GRM6: variants seen among roughly 807,000 people sequenced by gnomAD.
The protein encoded by GRM6 is metabotropic glutamate receptor 6.
GRM6 carries 73 observed loss-of-function variants against 78.4 expected under a neutral mutation model. That is an observed-to-expected ratio of 0.93 (90% CI 0.77 to 1.13). The LOEUF (loss-of-function observed/expected upper bound fraction) is 1.13. Among genes scored for constraint, GRM6 ranks in the 50% most tolerant of loss-of-function variants. The pLI is 0.00. For synonymous variants in GRM6, 580 were observed against 555.0 expected (o/e 1.05, Z -0.63); for missense variants, 1,251 against 1,256.4 (o/e 1.00, Z 0.07).
At position 178,986,773 on chromosome 5, in the gene GRM6, G is replaced by A; in HGVS notation, c.1501-20C>T. The stretch of plus-strand genomic sequence containing the variant: ...CTCCACCTGGGACGCACAAAACACA[G>A]GCTGGGGCGTCTGCCTCCGGGATCC... On this transcript the variant is annotated intron_variant, in intron 8 of 10. Coordinates refer to ENST00000517717, the MANE Select transcript of GRM6 (RefSeq NM_000843.4). 1.2e-6 allele frequency: 2 copies of A among 1,610,390 alleles called. No individual in the cohort carries two copies. Among genetic ancestry groups the A allele is most frequent in the Non-Finnish European group, 1.7e-6 (2 of 1,179,632 alleles).
Position 178,991,572 on chromosome 5 carries a change from G to A in GRM6, c.722-13C>T. 6.2e-7 allele frequency: 1 copy of A among 1,613,774 alleles called. No homozygotes were observed. The highest frequency in any genetic ancestry group is 8.5e-7 in the Non-Finnish European group (1 of 1,179,790). ...ATACAGACCCCCCCTGGGCGTTGGG[G>A]GTGCCAGAGTCAGCTTCCGTCCCAC... On this transcript the variant is annotated splice_polypyrimidine_tract_variant and intron_variant, in intron 3 of 10. Transcript: ENST00000517717. The surrounding 1 kb of genome is among the most constrained non-coding windows in gnomAD (Gnocchi z 5.0).
At position 178,991,695 on chromosome 5, in the gene GRM6, T is replaced by A; in HGVS notation, c.722-136A>T. Reference sequence around the variant, plus strand: ...TCTGGCCTGCACCCTCCGCCAAGCCTGAGGCAGGGCTGAGTCGTCCAAAAC... The same window carrying A: ...TCTGGCCTGCACCCTCCGCCAAGCCAGAGGCAGGGCTGAGTCGTCCAAAAC... On this transcript the variant is annotated intron_variant, in intron 3 of 10. Transcript: ENST00000517717. The surrounding 1 kb of genome is among the most constrained non-coding windows in gnomAD (Gnocchi z 5.0). 8.2e-7 allele frequency: 1 copy of A among 1,220,702 alleles called. No homozygotes were observed. The highest frequency in any genetic ancestry group is 1.9e-4 in the Middle Eastern group (1 of 5,246). The allele number at this position is 1,220,702 out of a possible 1,614,324, so 75.6% of individuals were successfully genotyped here.
Position 178,991,560 on chromosome 5 carries a change from CT to C in GRM6, c.722-2del, listed in dbSNP as rs758498215. 17 of 1,613,776 alleles carry C rather than the reference CT, an allele frequency of 1.1e-5. No homozygotes were observed. The highest frequency in any genetic ancestry group is 3.3e-5 in the Admixed American group (2 of 60,000). ...ATAGACTGGGCAATACAGACCCCCC[CT>C]GGGCGTTGGGGGTGCCAGAGTCAGC... On this transcript the variant is annotated splice_acceptor_variant, in intron 3 of 10. Transcript: ENST00000517717. LOFTEE classifies it high-confidence loss of function. The surrounding 1 kb of genome is among the most constrained non-coding windows in gnomAD (Gnocchi z 5.0).
At chr5:178,994,255 G>A (rs1760732508) in intron 2 of GRM6, among the ~76,000 whole-genome samples, 186 bp downstream of exon 2, 1 of 152,258 alleles carries the variant, frequency 6.6e-6, no homozygotes, top group African/African-American at 2.4e-5. Context: ...GGCGGCTGGA[G>A]TGTTTGGGTG....
At position 178,986,709 on chromosome 5, in the gene GRM6, C is replaced by T. The variant is rs375659197; in HGVS notation, c.1545G>A (p.Ser515=). 35 of 1,604,812 alleles carry T rather than the reference C, an allele frequency of 2.2e-5. No homozygotes were observed. The East Asian group carries it at 2.5e-4, about 11-fold the overall frequency. ...GCCCGCAGGGCAGGCTGCACAGAGACGAGGGCACCTCGTGGGGGTCGCCAG... is the reference window on the plus strand; with the variant it reads ...GCCCGCAGGGCAGGCTGCACAGAGATGAGGGCACCTCGTGGGGGTCGCCAG... ...QWSGDPHEVP[S]SLCSLPCGPG... The change falls in exon 9 of 11, where the codon TCG becomes TCA. Residue 515 remains serine, a synonymous_variant. Transcript: ENST00000517717.
Position 178,994,915 on chromosome 5 carries a change from C to G in GRM6, c.30G>C (p.Pro10=). 8.3e-7 allele frequency: 1 copy of G among 1,205,538 alleles called. No individual in the cohort carries two copies. 74.7% of individuals were successfully genotyped at this position (1,205,538 alleles called of 1,614,324 possible). MARPRRARE[P]LLVALLPLAW... is the part of the protein sequence containing the mutation. Reference sequence around the variant, plus strand: ...CCAGCGGCAGCAGCGCCACGAGCAGCGGCTCCCGGGCTCTCCGGGGCCGCG... The same window carrying G: ...CCAGCGGCAGCAGCGCCACGAGCAGGGGCTCCCGGGCTCTCCGGGGCCGCG... The change falls in exon 2 of 11, where the codon CCG becomes CCC. Residue 10 remains proline (P), a synonymous_variant. Transcript: ENST00000517717.
intron 9 of GRM6, among the ~76,000 whole-genome samples, chr5:178,984,284 G>A (rs562400654): frequency 5.8e-5 from 6 of 104,302 alleles, no homozygotes; most frequent in Admixed American, 2.1e-4. Flanking sequence ...AGTGGGGAGC[G>A]AGCGAGCACG....
At chr5:178,985,189 G>T (rs1040836177) in intron 9 of GRM6, 2 of 442,344 alleles carry the variant, frequency 4.5e-6, no homozygotes, top group South Asian at 3.2e-5. Context: ...CAGGAAAACC[G>T]GTCAGATAGC....
In GRM6 at chr5:178,991,942, C is replaced by T; in HGVS notation, c.646G>A (p.Val216Met). The T allele has an allele frequency of 1.2e-6, 2 of 1,614,180 alleles. No individual in the cohort carries two copies. Among genetic ancestry groups the T allele is most frequent in the Non-Finnish European group, 1.7e-6 (2 of 1,180,044 alleles). Residue 216 changes from valine to methionine, a missense_variant, in exon 3 of 11, where the codon GTG (valine) becomes ATG (methionine). Physicochemically the swap from Val to Met is conservative, Grantham distance 21 (BLOSUM62 1). Transcript: ENST00000517717. The surrounding 1 kb of genome is among the most constrained non-coding windows in gnomAD (Gnocchi z 5.0). Reference sequence around the variant, plus strand: ...TTGCCCTCGGAGGCCAGCGTGGACACATAGTTCCATCCCAGTGCCCTCACG... The same window carrying T: ...TTGCCCTCGGAGGCCAGCGTGGACATATAGTTCCATCCCAGTGCCCTCACG... The part of the protein sequence containing the change: ...DIVRALGWNY[V>M]STLASEGNYG...
Position 178,981,661 on chromosome 5 carries a change from T to C in GRM6, c.2630A>G (p.Lys877Arg), listed in dbSNP as rs752846186. The change falls in exon 11 of 11, where the codon AAG (lysine) becomes AGG (arginine). Residue 877 changes from lysine (K) to arginine (R), a missense_variant. Lys to Arg is a conservative substitution (Grantham distance 26). Coordinates refer to ENST00000517717, the MANE Select transcript of GRM6 (RefSeq NM_000843.4). This position sits in a 1 kb window ranked among gnomAD's most constrained non-coding sequence, Gnocchi z 5.1. ...GTCCCGTTCCCACCTGCCCTGCTAC[T>C]TGTGGGCCTCTGCATCCTCGCCCTT... The part of the protein sequence containing the change: ...PPKGEDAEAH[K>R] 3 of 1,612,786 alleles carry C rather than the reference T, an allele frequency of 1.9e-6. No individual in the cohort carries two copies. The highest frequency in any genetic ancestry group is 1.3e-5 in the African/African-American group (1 of 74,924).
Position 178,989,011 on chromosome 5 carries a change from G to A in GRM6, c.1278C>T (p.His426=), listed in dbSNP as rs762220667. ...HSMHQALCPG[H]TGLCPAMEPT... ...GTTCCATCGCCGGGCACAGGCCTGT[G>A]TGCCCAGGGCAGAGCGCCTGGTGCA... The change falls in exon 7 of 11, where the codon CAC becomes CAT. Residue 426 remains histidine, a synonymous_variant. Coordinates refer to ENST00000517717, the MANE Select transcript of GRM6 (RefSeq NM_000843.4). 1.9e-6 allele frequency: 3 copies of A among 1,614,100 alleles called. No homozygotes were observed. The highest frequency in any genetic ancestry group is 2.2e-5 in the East Asian group (1 of 44,860).
At chr5:178,985,468 C>A (rs1429542554) in intron 9 of GRM6, among the ~76,000 whole-genome samples, 1 of 151,464 alleles carries the variant, frequency 6.6e-6, no homozygotes. Flanking sequence ...CTTTGGGAGG[C>A]CGAGGTGGGC....
chr5:178,986,475 G>T lies in GRM6; in HGVS notation c.1779C>A (p.Ala593=), dbSNP rs75667861. The part of the protein sequence containing the change: ...SPWAAPPLLL[A]VLGIVATTTV... ...TGGTAGTGGCCACGATGCCCAGCAC[G>T]GCCAGGAGGAGCGGCGGGGCTGCCC... The change falls in exon 9 of 11, where the codon GCC becomes GCA. Residue 593 remains alanine (A), a synonymous_variant. Coordinates refer to ENST00000517717, the MANE Select transcript of GRM6 (RefSeq NM_000843.4). 1 of 1,612,030 alleles carries T rather than the reference G, an allele frequency of 6.2e-7. No individual in the cohort carries two copies. Among genetic ancestry groups the T allele is most frequent in the Non-Finnish European group, 8.5e-7 (1 of 1,179,384 alleles).
chr5:178,988,876 A>G lies in GRM6; in HGVS notation c.1354+59T>C. ...ACCCTGAGGTTGTCCCAGGCCTCAC[A>G]GCAAAATCCAGCCCCCCAGCTGTCC... On this transcript the variant is annotated intron_variant, in intron 7 of 10. Coordinates refer to ENST00000517717, the MANE Select transcript of GRM6 (RefSeq NM_000843.4). This position sits in a 1 kb window ranked among gnomAD's most constrained non-coding sequence, Gnocchi z 6.0. 1 of 1,436,774 alleles carries G rather than the reference A, an allele frequency of 7.0e-7. No homozygotes were observed. Among genetic ancestry groups the G allele is most frequent in the Non-Finnish European group, 9.7e-7 (1 of 1,029,628 alleles). The allele number at this position is 1,436,774 out of a possible 1,614,324, so 89.0% of individuals were successfully genotyped here.
At position 178,988,805 on chromosome 5, in the gene GRM6, G is replaced by A. The variant is rs377244986; in HGVS notation, c.1354+130C>T. 4.2e-6 allele frequency: 3 copies of A among 722,100 alleles called. No individual in the cohort carries two copies. Among genetic ancestry groups the A allele is most frequent in the African/African-American group, 3.5e-5 (2 of 57,098 alleles). 44.7% of individuals were successfully genotyped at this position (722,100 alleles called of 1,614,324 possible). ...ACTTGTCTCATGTCTTTGGCACTCA[G>A]CCCCAGGCACCCCCATTAGACCACT... On this transcript the variant is annotated intron_variant, in intron 7 of 10. Transcript: ENST00000517717. This position sits in a 1 kb window ranked among gnomAD's most constrained non-coding sequence, Gnocchi z 6.0.
In GRM6 at chr5:178,986,699, T is replaced by C; in HGVS notation, c.1555A>G (p.Ser519Gly). 1.2e-6 allele frequency: 2 copies of C among 1,604,716 alleles called. No individual in the cohort carries two copies. The highest frequency in any genetic ancestry group is 8.5e-7 in the Non-Finnish European group (1 of 1,179,758). The change falls in exon 9 of 11, where the codon AGC becomes GGC. Residue 519 changes from serine to glycine, a missense_variant. Physicochemically the swap from Ser to Gly is moderately conservative, Grantham distance 56 (BLOSUM62 0). Coordinates refer to ENST00000517717, the MANE Select transcript of GRM6 (RefSeq NM_000843.4). ...CGCTCCCCCGGCCCGCAGGGCAGGCTGCACAGAGACGAGGGCACCTCGTGG... is the reference window on the plus strand; with the variant it reads ...CGCTCCCCCGGCCCGCAGGGCAGGCCGCACAGAGACGAGGGCACCTCGTGG... ...DPHEVPSSLCSLPCGPGERKK... is the reference protein window; with the variant it reads ...DPHEVPSSLCGLPCGPGERKK...
Position 178,986,224 on chromosome 5 carries a change from C to T in GRM6, c.2030G>A (p.Arg677His), listed in dbSNP as rs554347703. 82 of 1,614,126 alleles carry T rather than the reference C, an allele frequency of 5.1e-5. 2 individuals are homozygous for T. Among genetic ancestry groups the T allele is most frequent in the South Asian group, 4.2e-4 (38 of 91,068 alleles). The change falls in exon 9 of 11, where the codon CGC (arginine) becomes CAC (histidine). Residue 677 changes from arginine to histidine, a missense_variant. Coordinates refer to ENST00000517717, the MANE Select transcript of GRM6 (RefSeq NM_000843.4). ...CGAGCGCTTGCCCTGCTCAAAGATG[C>T]GGTAGATACGGTTGGTCTTGGTGAG... Reference protein sequence around the residue: ...ALLTKTNRIYRIFEQGKRSVT... With the variant: ...ALLTKTNRIYHIFEQGKRSVT...
intron 9 of GRM6, chr5:178,983,599 G>T (rs1004307055): frequency 2.5e-6 from 1 of 403,670 alleles, no homozygotes; most frequent in Non-Finnish European, 5.0e-6. Flanking sequence ...GGAAGCTCTG[G>T]AACTGAGGCC....
chr5:178,986,607 C>A lies in GRM6; in HGVS notation c.1647G>T (p.Gln549His). Reference protein sequence around the residue: ...HCEACDGYRFQVDEFTCEACP... With the variant: ...HCEACDGYRFHVDEFTCEACP... ...AGGCCTCGCATGTGAACTCGTCCAC[C>A]TGGAAGCGGTACCCGTCACAGGCCT... Residue 549 changes from glutamine (Q) to histidine (H), a missense_variant, in exon 9 of 11, where the codon CAG (glutamine) becomes CAT (histidine). Transcript: ENST00000517717. 1 of 1,604,214 alleles carries A rather than the reference C, an allele frequency of 6.2e-7. No individual in the cohort carries two copies. The highest frequency in any genetic ancestry group is 8.5e-7 in the Non-Finnish European group (1 of 1,179,874).
Sources: allele counts gnomAD v4.1 joint callset (sites outside exome capture counted in the v4.1 genomes callset), GRCh38; gene constraint gnomAD v4.1.1; non-coding constraint Gnocchi (gnomAD v3.1); transcripts MANE v1.5; gene names NCBI Gene and HGNC (gene_info 2026-07-23, HGNC 2026-07-21).